CCKBR: variants seen among roughly 807,000 people sequenced by gnomAD.
The protein encoded by CCKBR is cholecystokinin B receptor, also known as gastrin/cholecystokinin type B receptor.
Under a neutral mutation model 34.6 loss-of-function variants are expected in CCKBR, and 33 were observed. That is an observed-to-expected ratio of 0.95 (90% CI 0.72 to 1.27). CCKBR has a LOEUF of 1.27. CCKBR is among the 50% of genes most tolerant of loss of function. The pLI, the probability that CCKBR is intolerant of heterozygous loss-of-function variation, is 0.00. For synonymous variants in CCKBR, 269 were observed against 267.5 expected, an observed-to-expected ratio of 1.01 and a Z score of -0.06; for missense variants, 652 against 617.4, an observed-to-expected ratio of 1.06 and a Z score of -0.59.
At chr11:6,270,034 C>T in intron 2 of CCKBR, 54 bp from the exon 3 acceptor site, 1 of 1,587,288 alleles carries the variant, frequency 6.3e-7, no homozygotes, top group East Asian at 2.2e-5. Flanking sequence ...CCCACTGATG[C>T]TTGTGTAGTG....
Position 6,271,463 on chromosome 11 carries a change from G to A in CCKBR, c.1264G>A (p.Asp422Asn), listed in dbSNP as rs746523028. 6.8e-6 allele frequency: 11 copies of A among 1,612,902 alleles called. No homozygotes were observed. The East Asian group carries it at 2.5e-4, about 36-fold the overall frequency. ...PPRARPRALP[D>N]EDPPTPSIAS... ...ACGAGCTCGCCCCAGGGCTCTTCCC[G>A]ATGAGGACCCTCCCACTCCCTCCAT... Residue 422 changes from aspartate to asparagine, a missense_variant, in exon 5 of 5, where the codon GAT becomes AAT. Coordinates refer to ENST00000334619, the MANE Select transcript of CCKBR (RefSeq NM_176875.4).
chr11:6,263,684 C>A (rs1469488054), intron 1 of CCKBR, among the ~76,000 whole-genome samples: 3 of 152,166 alleles, frequency 2.0e-5, no homozygotes, highest in Non-Finnish European at 4.4e-5. Flanking sequence ...GTTGCCCAGG[C>A]TGGTCTCTAA....
chr11:6,263,678 C>T (rs780188617), intron 1 of CCKBR, among the ~76,000 whole-genome samples: 32 of 152,070 alleles, frequency 2.1e-4, no homozygotes, highest in Non-Finnish European at 2.4e-4. Flanking sequence ...TTCCATGTTG[C>T]CCAGGCTGGT....
intron 1 of CCKBR, chr11:6,264,724 T>TACACACACACACAC (rs5789456): frequency 2.3e-6 from 1 of 426,602 alleles, no homozygotes. Flanking sequence ...CACACATCAA[T>TACACACACACACAC]ACACACACAC....
At position 6,271,027 on chromosome 11, in the gene CCKBR, C is replaced by T. The variant is rs749921079; in HGVS notation, c.828C>T (p.Asn276=). The T allele has an allele frequency of 4.3e-6, 7 of 1,614,076 alleles. No homozygotes were observed. The highest frequency in any genetic ancestry group is 1.3e-5 in the African/African-American group (1 of 74,944). The stretch of plus-strand genomic sequence containing the variant: ...TGTGCTCAGGGGCTGTTCACCAGAA[C>T]GGGCGTTGCCGGCCTGAGACTGGCG... ...QGGLPGAVHQ[N]GRCRPETGAV... The change falls in exon 5 of 5, where the codon AAC becomes AAT. Residue 276 remains asparagine, a synonymous_variant. Transcript: ENST00000334619.
chr11:6,270,792 G>A lies in CCKBR; in HGVS notation c.800G>A (p.Gly267Asp). ...AGCCAAAGCAGGGTCCGAAACCAAG[G>A]CGGGCTGCCAGGTGGGGCTGGACCA... is the stretch of plus-strand genomic sequence containing the variant. ...SDSQSRVRNQ[G>D]GLPGAVHQNG... The change falls in exon 4 of 5, where the codon GGC (glycine) becomes GAC (aspartate). Residue 267 changes from glycine to aspartate, a missense_variant. Gly to Asp is a moderately conservative substitution (Grantham distance 94). Coordinates refer to ENST00000334619, the MANE Select transcript of CCKBR (RefSeq NM_176875.4). 1 of 1,614,198 alleles carries A rather than the reference G, an allele frequency of 6.2e-7. No homozygotes were observed. Among genetic ancestry groups the A allele is most frequent in the Non-Finnish European group, 8.5e-7 (1 of 1,180,048 alleles).
rs758173202 is a variant in CCKBR, at chr11:6,271,029, G to A, written c.830G>A (p.Gly277Glu). The A allele has an allele frequency of 6.2e-7, 1 of 1,614,186 alleles. No homozygotes were observed. The highest frequency in any genetic ancestry group is 1.1e-5 in the South Asian group (1 of 91,090). ...GGLPGAVHQN[G>E]RCRPETGAVG... ...TGCTCAGGGGCTGTTCACCAGAACG[G>A]GCGTTGCCGGCCTGAGACTGGCGCG... is the stretch of plus-strand genomic sequence containing the variant. Residue 277 changes from glycine to glutamate, a missense_variant, in exon 5 of 5, where the codon GGG becomes GAG. Physicochemically the swap from Gly to Glu is moderately conservative, Grantham distance 98. Coordinates refer to ENST00000334619, the MANE Select transcript of CCKBR (RefSeq NM_176875.4).
At chr11:6,264,434 G>T (rs1262567953) in intron 1 of CCKBR, 2 of 621,936 alleles carry the variant, frequency 3.2e-6, no homozygotes, top group Non-Finnish European at 5.8e-6. Flanking sequence ...ATGTCACGTT[G>T]TCTGGATTTT....
In CCKBR at chr11:6,261,454, A is replaced by AAAAAATATATAT. The variant is rs1447691939; in HGVS notation, c.151+1376_151+1377insAAAATATATATA. Among the ~76,000 whole-genome samples, 162 of 60,874 alleles carry AAAAAATATATAT rather than the reference A, an allele frequency of 2.7e-3. 2 individuals carry two copies. Among genetic ancestry groups the AAAAAATATATAT allele is most frequent in the Non-Finnish European group, 3.7e-3 (123 of 32,952 alleles). The allele number at this position is 60,874 out of a possible 152,430, so 39.9% of individuals were successfully genotyped here. Reference sequence around the variant, plus strand: ...GTTGGCAAAAAAAAAAAAAAAAAAAAATATATATACACACACACACACACA... The same window carrying AAAAAATATATAT: ...GTTGGCAAAAAAAAAAAAAAAAAAAAAAAAATATATATATATATATACACACACACACACACA... On this transcript the variant is annotated intron_variant, in intron 1 of 4. Transcript: ENST00000334619.
At chr11:6,263,869 A>G (rs959370784) in intron 1 of CCKBR, among the ~76,000 whole-genome samples, 5 of 152,152 alleles carry the variant, frequency 3.3e-5, no homozygotes, top group Non-Finnish European at 7.3e-5. Flanking sequence ...TCAGTCAGCA[A>G]TTTCTATCAT....
At chr11:6,260,409 A>G (rs748923812) in intron 1 of CCKBR, among the ~76,000 whole-genome samples, 97 of 152,062 alleles carry the variant, frequency 6.4e-4, no homozygotes, top group Non-Finnish European at 1.8e-4. Flanking sequence ...CCTCTTGCCA[A>G]CCCTGCAGAT....
intron 1 of CCKBR, among the ~76,000 whole-genome samples, chr11:6,267,316 A>G (rs562808707): frequency 1.3e-5 from 2 of 152,176 alleles, no homozygotes; most frequent in Non-Finnish European, 2.9e-5. Context: ...TTCTTTTTTT[A>G]TACTCTTATC....
chr11:6,271,850 C>A lies in CCKBR; in HGVS notation c.*307C>A. 1 of 364,558 alleles carries A rather than the reference C, an allele frequency of 2.7e-6. No individual in the cohort carries two copies. Among genetic ancestry groups the A allele is most frequent in the South Asian group, 7.3e-5 (1 of 13,648 alleles). The allele number at this position is 364,558 out of a possible 1,614,324, so 22.6% of individuals were successfully genotyped here. ...CAGTGGGAACTCTGACAAGGGCTGACCTGCCTCTCACACACATAGATTAAT... is the reference window on the plus strand; with the variant it reads ...CAGTGGGAACTCTGACAAGGGCTGAACTGCCTCTCACACACATAGATTAAT... On this transcript the variant is annotated 3_prime_UTR_variant, in exon 5 of 5. Transcript: ENST00000334619.
chr11:6,263,989 C>T (rs1848173732), intron 1 of CCKBR, among the ~76,000 whole-genome samples: 1 of 152,190 alleles, frequency 6.6e-6, no homozygotes, highest in Non-Finnish European at 1.5e-5. Flanking sequence ...AACCCTTGCT[C>T]TTTCAAATGT....
At chr11:6,270,486 G>A (rs1160863160) in intron 3 of CCKBR, 149 bp downstream of exon 3, 3 of 1,395,118 alleles carry the variant, frequency 2.2e-6, no homozygotes, top group East Asian at 2.3e-5. Context: ...CCAGTTTGGG[G>A]CCCCTCCCCA....
intron 1 of CCKBR, among the ~76,000 whole-genome samples, chr11:6,260,362 C>G (rs1477927711): frequency 2.0e-5 from 3 of 152,166 alleles, no homozygotes; most frequent in African/African-American, 7.2e-5. Flanking sequence ...CCCCAACACG[C>G]AGCCCCTCCT....
Position 6,259,940 on chromosome 11 carries a change from A to G in CCKBR, c.12A>G (p.Leu4=). The G allele has an allele frequency of 1.3e-6, 2 of 1,483,206 alleles. No homozygotes were observed. The highest frequency in any genetic ancestry group is 1.8e-6 in the Non-Finnish European group (2 of 1,122,634). 91.9% of individuals were successfully genotyped at this position (1,483,206 alleles called of 1,614,324 possible). Reference sequence around the variant, plus strand: ...GCTCGGCGGGGGCCATGGAGCTGCTAAAGCTGAACCGGAGCGTGCAGGGAA... The same window carrying G: ...GCTCGGCGGGGGCCATGGAGCTGCTGAAGCTGAACCGGAGCGTGCAGGGAA... MEL[L]KLNRSVQGTG... is the part of the protein sequence containing the mutation. Residue 4 remains leucine (L), a synonymous_variant, in exon 1 of 5, where the codon CTA becomes CTG. Coordinates refer to ENST00000334619, the MANE Select transcript of CCKBR (RefSeq NM_176875.4).
chr11:6,267,355 A>G (rs1313683152), intron 1 of CCKBR, among the ~76,000 whole-genome samples: 4 of 106,696 alleles, frequency 3.7e-5, no homozygotes, highest in Non-Finnish European at 4.1e-5. Context: ...TTTTAACTTT[A>G]GAAAAAAAAA....
Position 6,261,454 on chromosome 11 carries a change from A to AAAAAAATATATAT in CCKBR, c.151+1376_151+1377insAAAAATATATATA, listed in dbSNP as rs1447691939. On this transcript the variant is annotated intron_variant, in intron 1 of 4. Coordinates refer to ENST00000334619, the MANE Select transcript of CCKBR (RefSeq NM_176875.4). Reference sequence around the variant, plus strand: ...GTTGGCAAAAAAAAAAAAAAAAAAAAATATATATACACACACACACACACA... The same window carrying AAAAAAATATATAT: ...GTTGGCAAAAAAAAAAAAAAAAAAAAAAAAAATATATATATATATATACACACACACACACACA... Among the ~76,000 whole-genome samples the AAAAAAATATATAT allele has an allele frequency of 2.0e-4, 12 of 60,886 alleles. 1 individual carries two copies. Among genetic ancestry groups the AAAAAAATATATAT allele is most frequent in the Admixed American group, 7.3e-4 (3 of 4,120 alleles). The allele number at this position is 60,886 out of a possible 152,430, so 39.9% of individuals were successfully genotyped here. A position where few individuals can be genotyped will look rare whatever the true frequency, so the allele number is the denominator to read the frequency against.
Sources: allele counts gnomAD v4.1 joint callset (sites outside exome capture counted in the v4.1 genomes callset), GRCh38; gene constraint gnomAD v4.1.1; transcripts MANE v1.5; gene names NCBI Gene and HGNC (gene_info 2026-07-23, HGNC 2026-07-21).